CSMD3: variants seen among roughly 807,000 people sequenced by gnomAD.
The protein encoded by CSMD3 is CUB and sushi domain-containing protein 3.
A neutral mutation model predicts 435.2 loss-of-function variants in CSMD3; 177 were observed. The ratio of observed to expected loss-of-function variants is 0.41; its 90% CI spans 0.36 to 0.46. The LOEUF is 0.46. Ranked by LOEUF, CSMD3 falls within the 20% of genes least tolerant of loss-of-function variation. CSMD3 has a pLI of 0.34. For missense variants in CSMD3, 4,265 were observed against 4,504.6 expected, an observed-to-expected ratio of 0.95 and a Z score of 1.52; for synonymous variants, 1,656 against 1,520.5, an observed-to-expected ratio of 1.09 and a Z score of -2.07.
intron 22 of CSMD3, among the ~76,000 whole-genome samples, chr8:112,609,393 G>A (rs1833075974): frequency 6.6e-6 from 1 of 151,836 alleles, no homozygotes; most frequent in African/African-American, 2.4e-5. Context: ...CATACAAGTG[G>A]TCTACATGTA....
intron 3 of CSMD3, among the ~76,000 whole-genome samples, chr8:113,261,524 T>C (rs2093427186): frequency 6.6e-6 from 1 of 152,106 alleles, no homozygotes; most frequent in Non-Finnish European, 1.5e-5. Flanking sequence ...TTAGCCTCTG[T>C]GAGGGTTTTA....
At chr8:112,349,877 C>T (rs530951920) in intron 40 of CSMD3, among the ~76,000 whole-genome samples, 114 of 152,108 alleles carry the variant, frequency 7.5e-4, no homozygotes, top group African/African-American at 2.7e-3. Flanking sequence ...TTAATTATGT[C>T]CCCCCAAAAT....
chr8:113,188,731 A>C (rs1341474614), intron 3 of CSMD3, among the ~76,000 whole-genome samples: 5 of 151,952 alleles, frequency 3.3e-5, no homozygotes, highest in African/African-American at 9.7e-5. Context: ...TAAAGCTTCC[A>C]TTAATAAAAT....
intron 2 of CSMD3, among the ~76,000 whole-genome samples, chr8:113,287,962 G>A (rs923799205): frequency 6.6e-6 from 1 of 151,744 alleles, no homozygotes; most frequent in Non-Finnish European, 1.5e-5. Context: ...TCTGAGCACT[G>A]AGAAATGCAA....
At chr8:112,389,094 C>T (rs932266453) in intron 36 of CSMD3, among the ~76,000 whole-genome samples, 1 of 152,142 alleles carries the variant, frequency 6.6e-6, no homozygotes, top group Admixed American at 6.5e-5. Context: ...ATGAACCACA[C>T]AATGGATTTA....
chr8:113,290,612 C>A (rs1025009686), intron 2 of CSMD3, among the ~76,000 whole-genome samples: 3 of 151,546 alleles, frequency 2.0e-5, no homozygotes, highest in African/African-American at 7.3e-5. Context: ...AATATTATTT[C>A]TAATCATTTT....
chr8:112,747,283 T>G (rs1256973386), intron 13 of CSMD3, among the ~76,000 whole-genome samples: 1 of 140,628 alleles, frequency 7.1e-6, no homozygotes, highest in South Asian at 2.4e-4. Context: ...AATTTCAATA[T>G]ACTTCAAGAG....
At chr8:112,346,488 T>C (rs1279207136) in intron 40 of CSMD3, among the ~76,000 whole-genome samples, 2 of 152,040 alleles carry the variant, frequency 1.3e-5, no homozygotes, top group Non-Finnish European at 2.9e-5. Context: ...GCAGTAAATA[T>C]AAACGAACAA....
At chr8:112,238,399 A>G (rs900036273) in intron 66 of CSMD3, among the ~76,000 whole-genome samples, 4 of 152,128 alleles carry the variant, frequency 2.6e-5, no homozygotes, top group African/African-American at 9.6e-5. Flanking sequence ...TATTAAACCA[A>G]GAAAGCAAAA....
chr8:113,091,610 A>G (rs1210161384), intron 5 of CSMD3, among the ~76,000 whole-genome samples: 2 of 151,960 alleles, frequency 1.3e-5, no homozygotes, highest in African/African-American at 2.4e-5. Flanking sequence ...CGTATCAATT[A>G]TAATGTTTTC....
At chr8:112,300,989 G>A (rs890974977) in intron 53 of CSMD3, among the ~76,000 whole-genome samples, 2 of 152,032 alleles carry the variant, frequency 1.3e-5, no homozygotes, top group Non-Finnish European at 2.9e-5. Flanking sequence ...TTTTAAATTC[G>A]TAAACAAAAA....
At chr8:112,945,160 C>A (rs980720674) in intron 9 of CSMD3, among the ~76,000 whole-genome samples, 6 of 151,514 alleles carry the variant, frequency 4.0e-5, no homozygotes, top group Non-Finnish European at 8.9e-5. Context: ...AAAATTGAGC[C>A]TCATCCTTAA....
At chr8:112,318,806 G>T (rs985211373) in intron 47 of CSMD3, 31 bp downstream of exon 47, 2 of 1,399,272 alleles carry the variant, frequency 1.4e-6, no homozygotes, top group East Asian at 2.3e-5. Context: ...AAATATTTAA[G>T]AAATAAATAA....
intron 9 of CSMD3, among the ~76,000 whole-genome samples, chr8:112,939,556 T>C (rs2130757787): frequency 6.6e-6 from 1 of 152,166 alleles, no homozygotes; most frequent in South Asian, 2.1e-4. Flanking sequence ...TAAAAGTAAG[T>C]TCATCTGATT....
At chr8:112,882,324 T>C (rs935679486) in intron 10 of CSMD3, among the ~76,000 whole-genome samples, 13 of 151,990 alleles carry the variant, frequency 8.6e-5, no homozygotes, top group South Asian at 6.2e-4. Flanking sequence ...AGCTTCTCTT[T>C]GCAGGTAAGA....
intron 1 of CSMD3, among the ~76,000 whole-genome samples, chr8:113,378,079 T>C (rs868608085): frequency 9.2e-5 from 14 of 152,224 alleles, no homozygotes; most frequent in South Asian, 4.1e-4. Flanking sequence ...AAAGTTCCAT[T>C]ATGAGATTAA....
intron 36 of CSMD3, among the ~76,000 whole-genome samples, chr8:112,385,006 A>G (rs535126020): frequency 8.5e-4 from 129 of 152,332 alleles, no homozygotes; most frequent in Middle Eastern, 6.8e-3. Context: ...GTGTCTAACA[A>G]TGTAAAAGGA....
chr8:113,260,918 G>A (rs929597215), intron 3 of CSMD3, among the ~76,000 whole-genome samples: 1 of 152,094 alleles, frequency 6.6e-6, no homozygotes, highest in Non-Finnish European at 1.5e-5. Flanking sequence ...TCTTTTTTAT[G>A]GTTGCATAGT....
intron 27 of CSMD3, among the ~76,000 whole-genome samples, chr8:112,525,254 G>C (rs1339408349): frequency 6.6e-6 from 1 of 150,756 alleles, no homozygotes; most frequent in African/African-American, 2.4e-5. Flanking sequence ...TATGAAACTT[G>C]TCAAACAAGT....
Sources: gnomAD v4.1 joint callset for allele counts (sites outside exome capture counted in the v4.1 genomes callset) on GRCh38, gnomAD v4.1.1 for gene constraint, MANE v1.5 for transcripts, NCBI Gene and HGNC (gene_info 2026-07-23, HGNC 2026-07-21) for gene names.